Variants in LRRC20 observed in about 807,000 individuals in gnomAD.
The protein encoded by LRRC20 is leucine rich repeat containing 20, also known as leucine-rich repeat-containing protein 20.
LRRC20 carries 11 observed loss-of-function variants against 14.4 expected under a neutral mutation model. The observed-to-expected ratio is 0.77, with a 90% CI of 0.48 to 1.27. LRRC20 has a LOEUF of 1.27. LRRC20 is among the 50% of genes most tolerant of loss of function. The pLI, the probability that LRRC20 is intolerant of heterozygous loss-of-function variation, is 0.00. For synonymous variants in LRRC20, 121 were observed against 107.3 expected, an observed-to-expected ratio of 1.13 and a Z score of -0.79; for missense variants, 219 against 251.2, an observed-to-expected ratio of 0.87 and a Z score of 0.87.
chr10:70,327,860 A>G (rs1842387349), intron 3 of LRRC20, among the ~76,000 whole-genome samples: 1 of 152,066 alleles, frequency 6.6e-6, no homozygotes, highest in Non-Finnish European at 1.5e-5. Flanking sequence ...CTCGTCCATC[A>G]CTGTCCTGTC....
At position 70,301,423 on chromosome 10, in the gene LRRC20, C is replaced by T; in HGVS notation, c.486G>A (p.Val162=). ...CAAACTTGATGAGCGGCGGGGCGAT[C>T]ACGCGCACCTCGGCGTTGAGTGGGT... The part of the protein sequence containing the change: ...RFNPLNAEVR[V]IAPPLIKFDM... The change falls in exon 5 of 5, where the codon GTG becomes GTA. Residue 162 remains valine (V), a synonymous_variant. Transcript: ENST00000446961. 6 of 1,613,746 alleles carry T rather than the reference C, an allele frequency of 3.7e-6. No homozygotes were observed. Among genetic ancestry groups the T allele is most frequent in the Non-Finnish European group, 5.1e-6 (6 of 1,180,030 alleles).
chr10:70,341,081 A>G (rs936046482), intron 2 of LRRC20, among the ~76,000 whole-genome samples: 1 of 152,234 alleles, frequency 6.6e-6, no homozygotes, highest in African/African-American at 2.4e-5. Context: ...GATGCAGTCT[A>G]AAGACTGCTT....
At chr10:70,374,252 C>T (rs886559011) in intron 2 of LRRC20, among the ~76,000 whole-genome samples, 6 of 152,134 alleles carry the variant, frequency 3.9e-5, no homozygotes, top group African/African-American at 9.7e-5. Context: ...GCAGCTTCCC[C>T]AACGCCCCGG....
chr10:70,330,064 C>T (rs1842477674), intron 3 of LRRC20, among the ~76,000 whole-genome samples: 1 of 152,138 alleles, frequency 6.6e-6, no homozygotes, highest in East Asian at 1.9e-4. Flanking sequence ...CTTTTTCTTT[C>T]ACATTTTTTA....
intron 1 of LRRC20, among the ~76,000 whole-genome samples, chr10:70,377,669 G>A (rs1007445749): frequency 2.0e-5 from 3 of 152,194 alleles, no homozygotes; most frequent in Non-Finnish European, 4.4e-5. Context: ...AGAAGAAGGC[G>A]AAGGGCAGAG....
intron 4 of LRRC20, among the ~76,000 whole-genome samples, chr10:70,318,500 T>A (rs1841955641): frequency 6.6e-6 from 1 of 152,196 alleles, no homozygotes; most frequent in African/African-American, 2.4e-5. Flanking sequence ...ACGCCTGTAA[T>A]CCCAGCAATT....
At chr10:70,328,276 G>C (rs929747409) in intron 3 of LRRC20, among the ~76,000 whole-genome samples, 2 of 116,792 alleles carry the variant, frequency 1.7e-5, no homozygotes, top group African/African-American at 6.7e-5. Flanking sequence ...AATGTAAAAA[G>C]GGTAATCTTT....
intron 4 of LRRC20, among the ~76,000 whole-genome samples, chr10:70,313,356 C>T (rs185284051): frequency 6.6e-6 from 1 of 152,226 alleles, no homozygotes; most frequent in Admixed American, 6.5e-5. Context: ...ATTTTGCTGT[C>T]CCCTCTCATG....
In LRRC20 at chr10:70,371,723, GAGA is replaced by G. The variant is rs1178452239; in HGVS notation, c.82+4726_82+4728del. On this transcript the variant is annotated intron_variant, in intron 2 of 4. Coordinates refer to ENST00000446961, the MANE Select transcript of LRRC20 (RefSeq NM_001278212.2). Reference sequence around the variant, plus strand: ...ACTCTGCATGCTCCTTAGAAACATCGAGAAGATGATGCTGAGGAGGGGTGAGAG... The same window carrying G: ...ACTCTGCATGCTCCTTAGAAACATCGAGATGATGCTGAGGAGGGGTGAGAG... 3.3e-5 allele frequency among the ~76,000 whole-genome samples: 5 copies of G among 152,092 alleles called. No homozygotes were observed. In the East Asian group the frequency reaches 9.6e-4, roughly 29 times the overall value.
At chr10:70,321,330 C>T (rs1366913227) in intron 4 of LRRC20, among the ~76,000 whole-genome samples, 2 of 152,188 alleles carry the variant, frequency 1.3e-5, no homozygotes, top group Non-Finnish European at 2.9e-5. Flanking sequence ...GCTGTCACTG[C>T]AGCCCCTCCT....
intron 2 of LRRC20, among the ~76,000 whole-genome samples, chr10:70,375,238 G>T (rs1042265006): frequency 6.6e-6 from 1 of 152,148 alleles, no homozygotes; most frequent in South Asian, 2.1e-4. Context: ...AATGCCTCTC[G>T]CCTTAGCTAA....
intron 4 of LRRC20, among the ~76,000 whole-genome samples, chr10:70,303,300 C>T (rs1197400381): frequency 6.6e-6 from 1 of 152,164 alleles, no homozygotes; most frequent in Non-Finnish European, 1.5e-5. Context: ...CCTAAAGAGT[C>T]CCTAAAGAAG....
rs542109183 is a variant in LRRC20 at position 70,339,995 on chromosome 10, C to T, written c.232+558G>A. 2.0e-4 allele frequency among the ~76,000 whole-genome samples: 30 copies of T among 152,124 alleles called. No individual in the cohort carries two copies. The South Asian group carries it at 3.5e-3, about 18-fold the overall frequency. ...AATGACCCAGGTGTGGTGGCACACA[C>T]CTGTAATCCCAGCTACTTGGGAGGC... On this transcript the variant is annotated intron_variant, in intron 3 of 4. Coordinates refer to ENST00000446961, the MANE Select transcript of LRRC20 (RefSeq NM_001278212.2).
In LRRC20 at chr10:70,300,263, C is replaced by T. The variant is rs532814038; in HGVS notation, c.*1091G>A. 54 of 729,774 alleles carry T rather than the reference C, an allele frequency of 7.4e-5. No individual in the cohort carries two copies. In the South Asian group the frequency reaches 2.9e-3, roughly 39 times the overall value. The allele number at this position is 729,774 out of a possible 1,614,324, so 45.2% of individuals were successfully genotyped here. A position where few individuals can be genotyped will look rare whatever the true frequency, so the allele number is the denominator to read the frequency against. On this transcript the variant is annotated 3_prime_UTR_variant, in exon 5 of 5. Transcript: ENST00000446961. ...CCTCTCCTGGTAGGGGACCAACCAT[C>T]CCCACTTGCTGGGTACTGTCCCAGT...
intron 3 of LRRC20, 100 bp from the exon 4 acceptor site, chr10:70,324,130 AGGCACAGAGGAAGCCCTAGGCCACAGAG>A (rs1842218929): frequency 2.7e-6 from 3 of 1,108,290 alleles, no homozygotes; most frequent in Non-Finnish European, 4.0e-6. Context: ...TGGGCCAGGA[AGGCACAGAGGAAGCCCTAGGCCACAGAG>A]GGAGCCCCGC....
rs1199040339 is a variant in LRRC20, at chr10:70,299,150, C to G, written c.*2204G>C. 1 of 152,558 alleles carries G rather than the reference C, an allele frequency of 6.6e-6. No individual in the cohort carries two copies. Among genetic ancestry groups the G allele is most frequent in the East Asian group, 1.9e-4 (1 of 5,172 alleles). 9.5% of individuals were successfully genotyped at this position (152,558 alleles called of 1,614,324 possible). Reference sequence around the variant, plus strand: ...CCCTTCAAAGGCCTGAGGTGAGGACCTGGGGCAGCAGGCAGCTTGGCATGC... The same window carrying G: ...CCCTTCAAAGGCCTGAGGTGAGGACGTGGGGCAGCAGGCAGCTTGGCATGC... On this transcript the variant is annotated 3_prime_UTR_variant, in exon 5 of 5. Transcript: ENST00000446961.
At chr10:70,330,700 C>A (rs1842504147) in intron 3 of LRRC20, among the ~76,000 whole-genome samples, 1 of 152,170 alleles carries the variant, frequency 6.6e-6, no homozygotes, top group Admixed American at 6.5e-5. Context: ...TGGGGAGGCA[C>A]CGGCAAGAGA....
chr10:70,376,530 G>A lies in LRRC20; in HGVS notation c.4C>T (p.Leu2=). The A allele has an allele frequency of 6.2e-7, 1 of 1,613,432 alleles. No individual in the cohort carries two copies. The highest frequency in any genetic ancestry group is 1.1e-5 in the South Asian group (1 of 91,088). Residue 2 remains leucine (L), a synonymous_variant, in exon 2 of 5, where the codon CTG becomes TTG. Transcript: ENST00000446961. ...GCCACGGCCTCACCCATCTTCTTCA[G>A]CATGCAGACACAGGTGTCCTGCCGC... M[L]KKMGEAVARV... is the part of the protein sequence containing the mutation.
chr10:70,357,462 T>G (rs1843567103), intron 2 of LRRC20, among the ~76,000 whole-genome samples: 1 of 152,206 alleles, frequency 6.6e-6, no homozygotes, highest in African/African-American at 2.4e-5. Flanking sequence ...GCCTGGCAGG[T>G]AGTTTGTGCT....
Sources: allele counts gnomAD v4.1 joint callset (sites outside exome capture counted in the v4.1 genomes callset), GRCh38; gene constraint gnomAD v4.1.1; transcripts MANE v1.5; gene names NCBI Gene and HGNC (gene_info 2026-07-23, HGNC 2026-07-21).